The following SGCZ variants were observed in gnomAD, a reference collection of about 807,000 sequenced individuals.
SGCZ encodes the protein zeta-sarcoglycan.
In SGCZ, 40 loss-of-function variants were observed where a neutral mutation model predicts 41.3. The observed-to-expected ratio is 0.97, with a 90% CI of 0.75 to 1.26. The LOEUF is 1.26. Among genes scored for constraint, SGCZ ranks in the 50% most tolerant of loss-of-function variants. SGCZ has a pLI of 0.00. For missense variants in SGCZ, 552 were observed against 369.8 expected (o/e 1.49, Z -4.04); for synonymous variants, 206 against 137.5 (o/e 1.50, Z -3.49).
intron 2 of SGCZ, among the ~76,000 whole-genome samples, chr8:14,340,432 T>C (rs1374886659): frequency 6.6e-6 from 1 of 152,214 alleles, no homozygotes; most frequent in East Asian, 1.9e-4. Flanking sequence ...ATTTTTCTTT[T>C]ATTCACGTAT....
At chr8:14,250,967 T>A (rs1369247488) in intron 3 of SGCZ, among the ~76,000 whole-genome samples, 1 of 152,142 alleles carries the variant, frequency 6.6e-6, no homozygotes, top group Non-Finnish European at 1.5e-5. Flanking sequence ...GTGGCTCATG[T>A]CTGTAATCCT....
At chr8:14,782,389 G>C (rs890984792) in intron 1 of SGCZ, among the ~76,000 whole-genome samples, 2 of 152,056 alleles carry the variant, frequency 1.3e-5, no homozygotes, top group African/African-American at 4.8e-5. Flanking sequence ...GTTTTGTTTT[G>C]TCTTGTTTTG....
intron 2 of SGCZ, among the ~76,000 whole-genome samples, chr8:14,345,413 T>C (rs1802860348): frequency 6.6e-6 from 1 of 152,092 alleles, no homozygotes; most frequent in Non-Finnish European, 1.5e-5. Context: ...AGAATTCAAG[T>C]CCTCAGAATA....
chr8:14,858,825 C>T (rs1373657827), intron 1 of SGCZ, among the ~76,000 whole-genome samples: 2 of 152,008 alleles, frequency 1.3e-5, no homozygotes. Context: ...AAATGCCTAA[C>T]CGGTTTAACA....
At chr8:14,401,591 T>C (rs1030270051) in intron 2 of SGCZ, among the ~76,000 whole-genome samples, 1 of 151,336 alleles carries the variant, frequency 6.6e-6, no homozygotes, top group African/African-American at 2.4e-5. Context: ...TCCAATTTCA[T>C]CCATGTCCCT....
At chr8:14,840,630 C>A (rs1802869966) in intron 1 of SGCZ, among the ~76,000 whole-genome samples, 1 of 152,080 alleles carries the variant, frequency 6.6e-6, no homozygotes, top group African/African-American at 2.4e-5. Flanking sequence ...GTTTCTCTTG[C>A]ACTCTAACTA....
chr8:14,258,947 G>C (rs966323055), intron 3 of SGCZ, among the ~76,000 whole-genome samples: 3 of 152,122 alleles, frequency 2.0e-5, no homozygotes, highest in Non-Finnish European at 4.4e-5. Flanking sequence ...GCAGAGAGCA[G>C]GTTTATAACC....
intron 3 of SGCZ, among the ~76,000 whole-genome samples, chr8:14,312,098 G>A (rs1801567082): frequency 6.6e-6 from 1 of 152,008 alleles, no homozygotes; most frequent in African/African-American, 2.4e-5. Flanking sequence ...CATATCAAAG[G>A]GTCATGAAAT....
intron 5 of SGCZ, among the ~76,000 whole-genome samples, chr8:14,150,289 G>A (rs932856936): frequency 6.6e-6 from 1 of 151,992 alleles, no homozygotes; most frequent in Non-Finnish European, 1.5e-5. Flanking sequence ...CATCTGACAA[G>A]GGATTAATAA....
chr8:15,087,733 T>C (rs990113830), intron 1 of SGCZ, among the ~76,000 whole-genome samples: 1 of 152,158 alleles, frequency 6.6e-6, no homozygotes, highest in Non-Finnish European at 1.5e-5. Context: ...TAACCTAGTA[T>C]TAACATATGA....
chr8:14,989,892 T>C (rs977873968), intron 1 of SGCZ, among the ~76,000 whole-genome samples: 3 of 152,156 alleles, frequency 2.0e-5, no homozygotes, highest in Non-Finnish European at 2.9e-5. Flanking sequence ...GGAGAATGTG[T>C]GGTACAGAGA....
chr8:14,255,922 T>A (rs1186308648), intron 3 of SGCZ, among the ~76,000 whole-genome samples: 1 of 152,116 alleles, frequency 6.6e-6, no homozygotes, highest in Non-Finnish European at 1.5e-5. Context: ...CCTTCAATTT[T>A]GCAATAAGGA....
chr8:14,145,446 C>T (rs559577509), intron 5 of SGCZ, among the ~76,000 whole-genome samples: 16 of 152,090 alleles, frequency 1.1e-4, no homozygotes, highest in East Asian at 3.9e-4. Context: ...TTCAAATACC[C>T]GAAAGTCTTC....
At chr8:15,075,478 A>G (rs1241775516) in intron 1 of SGCZ, among the ~76,000 whole-genome samples, 1 of 152,176 alleles carries the variant, frequency 6.6e-6, no homozygotes, top group East Asian at 1.9e-4. Context: ...ACATGGTGGC[A>G]TAGAGCTAAA....
At chr8:14,613,386 A>T (rs1469985808) in intron 1 of SGCZ, among the ~76,000 whole-genome samples, 1 of 152,194 alleles carries the variant, frequency 6.6e-6, no homozygotes, top group Non-Finnish European at 1.5e-5. Context: ...TAACAAAAGA[A>T]ATAGCAAAAT....
intron 5 of SGCZ, among the ~76,000 whole-genome samples, chr8:14,142,118 G>A (rs1383897745): frequency 6.6e-6 from 1 of 152,122 alleles, no homozygotes; most frequent in Admixed American, 6.6e-5. Context: ...ATTGAACAAT[G>A]AGAGCACTTG....
At chr8:14,787,914 A>G (rs541013374) in intron 1 of SGCZ, among the ~76,000 whole-genome samples, 1 of 152,204 alleles carries the variant, frequency 6.6e-6, no homozygotes, top group Non-Finnish European at 1.5e-5. Flanking sequence ...AGTATCAAAG[A>G]TAACTATGAT....
chr8:14,819,401 T>C (rs1563291537), intron 1 of SGCZ, among the ~76,000 whole-genome samples: 1 of 152,168 alleles, frequency 6.6e-6, no homozygotes, highest in Non-Finnish European at 1.5e-5. Context: ...ACTTTGTATA[T>C]ATCATCCCAT....
At chr8:14,156,926 G>T (rs1803892956) in intron 5 of SGCZ, among the ~76,000 whole-genome samples, 1 of 152,064 alleles carries the variant, frequency 6.6e-6, no homozygotes, top group African/African-American at 2.4e-5. Context: ...ATGTTCTCCA[G>T]TTAACTTTTT....
Sources: allele counts gnomAD v4.1 joint callset (sites outside exome capture counted in the v4.1 genomes callset), GRCh38; gene constraint gnomAD v4.1.1; transcripts MANE v1.5; gene names NCBI Gene and HGNC (gene_info 2026-07-23, HGNC 2026-07-21).